The following NPAS3 variants were observed in gnomAD, a reference collection of about 807,000 sequenced individuals.
NPAS3 encodes neuronal PAS domain protein 3.
NPAS3 carries 14 observed loss-of-function variants against 73.1 expected under a neutral mutation model. That is an observed-to-expected ratio of 0.19 (90% CI 0.13 to 0.30). The LOEUF (loss-of-function observed/expected upper bound fraction) is 0.30, where lower values mean the gene tolerates loss of function less well. Ranked by LOEUF, NPAS3 falls within the 10% of genes least tolerant of loss-of-function variation. The pLI is 1.00. For missense variants in NPAS3, 1,096 were observed against 1,250.0 expected (o/e 0.88, Z 1.86); for synonymous variants, 620 against 541.5 (o/e 1.14, Z -2.01).
In NPAS3 at chr14:33,636,523, C is replaced by CG. The variant is rs141812585; in HGVS notation, c.559-39687dup. ...CAAGGGCATGTCAGGACTTTCCTAA[C>CG]GCCACAGTGACCCTGCCATGTAGTC... On this transcript the variant is annotated intron_variant, in intron 5 of 11. Coordinates refer to ENST00000356141, the Ensembl canonical transcript of NPAS3. Among the ~76,000 whole-genome samples, 475 of 152,304 alleles carry CG rather than the reference C, an allele frequency of 3.1e-3. 3 individuals carry two copies. Among genetic ancestry groups the CG allele is most frequent in the African/African-American group, 0.011 (456 of 41,566 alleles).
At chr14:33,780,931 A>G (rs1302423909) in intron 9 of NPAS3, 1 of 229,590 alleles carries the variant, frequency 4.4e-6, no homozygotes, top group South Asian at 5.4e-5. Flanking sequence ...GATTCAGCCT[A>G]CTAACAATGA....
intron 4 of NPAS3, among the ~76,000 whole-genome samples, chr14:33,542,747 G>A (rs2054579955): frequency 1.3e-5 from 2 of 152,184 alleles, no homozygotes; most frequent in Admixed American, 6.5e-5. Flanking sequence ...ACAAAGAACT[G>A]GATGGTACAC....
At chr14:33,318,276 A>G (rs533572459) in intron 3 of NPAS3, among the ~76,000 whole-genome samples, 29 of 152,116 alleles carry the variant, frequency 1.9e-4, no homozygotes, top group African/African-American at 7.0e-4. Flanking sequence ...TTGTCTGTAT[A>G]AGGGACTTAG....
intron 7 of NPAS3, among the ~76,000 whole-genome samples, chr14:33,754,117 C>A (rs1041206456): frequency 1.3e-5 from 2 of 152,088 alleles, no homozygotes; most frequent in African/African-American, 4.8e-5. Context: ...ACTGGGGTGG[C>A]GGCTAGAGAA....
intron 4 of NPAS3, among the ~76,000 whole-genome samples, chr14:33,448,737 T>G (rs1048650133): frequency 6.6e-6 from 1 of 152,162 alleles, no homozygotes; most frequent in African/African-American, 2.4e-5. Flanking sequence ...AATATCAAAG[T>G]GCCCCTGAGA....
intron 6 of NPAS3, among the ~76,000 whole-genome samples, chr14:33,702,235 T>C (rs2060542619): frequency 6.6e-6 from 1 of 152,226 alleles, no homozygotes; most frequent in Non-Finnish European, 1.5e-5. Flanking sequence ...TAGTTATCCC[T>C]GTCCCTTGGA....
chr14:33,600,412 T>G (rs1173092848), intron 5 of NPAS3, among the ~76,000 whole-genome samples: 1 of 152,232 alleles, frequency 6.6e-6, no homozygotes, highest in Non-Finnish European at 1.5e-5. Flanking sequence ...CATATTTTTC[T>G]GCCCCTTAAC....
intron 9 of NPAS3, among the ~76,000 whole-genome samples, chr14:33,785,559 T>A (rs2063145441): frequency 1.3e-5 from 2 of 149,098 alleles, no homozygotes; most frequent in South Asian, 4.1e-4. Context: ...TTATACAAAC[T>A]ATTTTTTAAA....
chr14:33,477,852 G>T (rs139112973), intron 4 of NPAS3, among the ~76,000 whole-genome samples: 1 of 152,320 alleles, frequency 6.6e-6, no homozygotes, highest in Non-Finnish European at 1.5e-5. Flanking sequence ...ACAAATAAAA[G>T]GAACTATGTC....
intron 5 of NPAS3, among the ~76,000 whole-genome samples, chr14:33,615,725 C>T (rs1040462534): frequency 3.9e-5 from 6 of 152,078 alleles, no homozygotes; most frequent in Non-Finnish European, 7.4e-5. Context: ...ACCTAGTACA[C>T]GTTTAGATCT....
At chr14:33,285,678 C>T (rs964800225) in intron 3 of NPAS3, among the ~76,000 whole-genome samples, 1 of 152,162 alleles carries the variant, frequency 6.6e-6, no homozygotes. Context: ...CTCTCACAAC[C>T]CTGTGACACC....
At chr14:33,472,628 G>T (rs2050836170) in intron 4 of NPAS3, among the ~76,000 whole-genome samples, 1 of 144,100 alleles carries the variant, frequency 6.9e-6, no homozygotes. Context: ...AGCAGTGGAG[G>T]TTAGTGAGAA....
intron 3 of NPAS3, among the ~76,000 whole-genome samples, chr14:33,339,861 G>A (rs10146564): frequency 0.47 from 71,366 of 151,966 alleles, 18,148 homozygotes; most frequent in Admixed American, 0.62. Flanking sequence ...ATGAGTGTAT[G>A]TTTAAGACTT....
At chr14:33,760,478 G>C (rs147206809) in intron 7 of NPAS3, among the ~76,000 whole-genome samples, 13 of 152,236 alleles carry the variant, frequency 8.5e-5, no homozygotes, top group African/African-American at 2.9e-4. Flanking sequence ...CATGATACAG[G>C]ATCATTTGGA....
intron 2 of NPAS3, among the ~76,000 whole-genome samples, chr14:33,199,750 C>T (rs1198501059): frequency 1.3e-5 from 2 of 150,088 alleles, no homozygotes; most frequent in African/African-American, 4.9e-5. Context: ...CCCTTCCTCC[C>T]CTCCTTTCAC....
intron 8 of NPAS3, among the ~76,000 whole-genome samples, chr14:33,777,524 T>A (rs2062857269): frequency 6.6e-6 from 1 of 151,922 alleles, no homozygotes; most frequent in Non-Finnish European, 1.5e-5. Context: ...TCTAAAGATT[T>A]ACTTCATATT....
chr14:33,073,933 T>TTTTTACATACACACACACCCC (rs2041570512), intron 2 of NPAS3, among the ~76,000 whole-genome samples: 1 of 152,170 alleles, frequency 6.6e-6, no homozygotes. Context: ...GTTTTATTTT[T>TTTTTACATACACACACACCCC]AAGGGCTGTT....
At chr14:33,015,676 A>G (rs1221706501) in intron 1 of NPAS3, among the ~76,000 whole-genome samples, 1 of 152,194 alleles carries the variant, frequency 6.6e-6, no homozygotes, top group Non-Finnish European at 1.5e-5. Flanking sequence ...ATATATACAC[A>G]CACAGAATAT....
intron 5 of NPAS3, among the ~76,000 whole-genome samples, chr14:33,628,784 T>C (rs976131562): frequency 2.0e-5 from 3 of 152,226 alleles, no homozygotes; most frequent in Non-Finnish European, 4.4e-5. Flanking sequence ...CCTGGGCTCC[T>C]GGGTATTGAG....
Sources: gnomAD v4.1 joint callset for allele counts (sites outside exome capture counted in the v4.1 genomes callset) on GRCh38, gnomAD v4.1.1 for gene constraint, MANE v1.5 for transcripts, NCBI Gene and HGNC (gene_info 2026-07-23, HGNC 2026-07-21) for gene names.